TAFA2: variants seen among roughly 807,000 people sequenced by gnomAD.
TAFA2 encodes TAFA chemokine like family member 2.
TAFA2 carries 7 observed loss-of-function variants against 18.8 expected under a neutral mutation model. The ratio of observed to expected loss-of-function variants is 0.37; its 90% CI spans 0.21 to 0.70. The LOEUF (loss-of-function observed/expected upper bound fraction) is 0.70, where lower values mean the gene tolerates loss of function less well. TAFA2 is among the 30% of genes least tolerant of loss of function. The probability of loss-of-function intolerance (pLI) is 0.53; values close to 1 mark genes in which losing one functional copy is unlikely to be tolerated. For missense variants in TAFA2, 122 were observed against 158.1 expected, an observed-to-expected ratio of 0.77 and a Z score of 1.23; for synonymous variants, 60 against 54.2, an observed-to-expected ratio of 1.11 and a Z score of -0.47.
chr12:61,995,860 T>C (rs749699115), intron 1 of TAFA2, among the ~76,000 whole-genome samples: 19 of 120,568 alleles, frequency 1.6e-4, no homozygotes, highest in Non-Finnish European at 3.3e-4. Flanking sequence ...AAGCATTTAT[T>C]TATTCTGTAA....
chr12:61,985,838 T>A (rs1879793163), intron 1 of TAFA2, among the ~76,000 whole-genome samples: 2 of 152,190 alleles, frequency 1.3e-5, no homozygotes, highest in African/African-American at 2.4e-5. Flanking sequence ...ATATGTAAAA[T>A]GATTTTCTGA....
At chr12:62,177,649 A>T (rs1197727204) in intron 1 of TAFA2, among the ~76,000 whole-genome samples, 1 of 152,086 alleles carries the variant, frequency 6.6e-6, no homozygotes, top group Non-Finnish European at 1.5e-5. Flanking sequence ...GGTACCTCAA[A>T]CTCAAAATGC....
chr12:62,047,769 C>T (rs1478024858), intron 1 of TAFA2, among the ~76,000 whole-genome samples: 1 of 152,070 alleles, frequency 6.6e-6, no homozygotes, highest in Non-Finnish European at 1.5e-5. Context: ...ACCTTTTGTG[C>T]CTACCTCAGT....
At chr12:62,124,730 T>C (rs992457879) in intron 1 of TAFA2, among the ~76,000 whole-genome samples, 3 of 152,182 alleles carry the variant, frequency 2.0e-5, no homozygotes, top group Non-Finnish European at 4.4e-5. Flanking sequence ...TAAATACATC[T>C]TAAATCAATC....
At chr12:61,785,394 C>T (rs991060227) in intron 2 of TAFA2, among the ~76,000 whole-genome samples, 3 of 143,182 alleles carry the variant, frequency 2.1e-5, no homozygotes, top group African/African-American at 2.6e-5. Context: ...TTTATTCATT[C>T]ATCCATTGTT....
intron 1 of TAFA2, among the ~76,000 whole-genome samples, chr12:62,213,022 G>C (rs988121291): frequency 6.6e-5 from 10 of 152,154 alleles, no homozygotes; most frequent in African/African-American, 2.4e-4. Flanking sequence ...GTGCAATTAT[G>C]AAATTATATA....
At chr12:62,133,304 A>G (rs548785548) in intron 1 of TAFA2, among the ~76,000 whole-genome samples, 6 of 152,166 alleles carry the variant, frequency 3.9e-5, no homozygotes, top group African/African-American at 1.2e-4. Flanking sequence ...TTGTTTCAGT[A>G]ATAAATATGG....
chr12:62,136,341 C>A (rs923246576), intron 1 of TAFA2, among the ~76,000 whole-genome samples: 1 of 152,090 alleles, frequency 6.6e-6, no homozygotes, highest in Admixed American at 6.6e-5. Context: ...AATCTAGAAT[C>A]ATACAACATG....
At chr12:61,919,505 C>A (rs1046664215) in intron 1 of TAFA2, among the ~76,000 whole-genome samples, 2 of 152,052 alleles carry the variant, frequency 1.3e-5, no homozygotes, top group Non-Finnish European at 1.5e-5. Context: ...ATACACACAC[C>A]CAAGTTCATG....
intron 1 of TAFA2, among the ~76,000 whole-genome samples, chr12:61,900,173 T>C (rs1328240749): frequency 6.6e-6 from 1 of 152,248 alleles, no homozygotes; most frequent in Non-Finnish European, 1.5e-5. Context: ...AGTATTCCTA[T>C]ACATATCTCT....
chr12:61,769,686 G>A (rs551632195), intron 2 of TAFA2, among the ~76,000 whole-genome samples: 4 of 150,526 alleles, frequency 2.7e-5, no homozygotes, highest in African/African-American at 1.0e-4. Flanking sequence ...CCTAGGAGAA[G>A]GGGGAGAGCA....
chr12:62,011,896 C>T (rs1200915032), intron 1 of TAFA2, among the ~76,000 whole-genome samples: 2 of 152,252 alleles, frequency 1.3e-5, no homozygotes, highest in Admixed American at 1.3e-4. Flanking sequence ...AGAGCTAAAG[C>T]TGACTTCACA....
At chr12:61,763,566 C>A (rs528191264) in intron 2 of TAFA2, among the ~76,000 whole-genome samples, 1 of 151,792 alleles carries the variant, frequency 6.6e-6, no homozygotes, top group Non-Finnish European at 1.5e-5. Flanking sequence ...GCAACTTCTG[C>A]TTGTAAGGCC....
At chr12:61,876,255 G>A (rs927752285) in intron 1 of TAFA2, among the ~76,000 whole-genome samples, 4 of 152,080 alleles carry the variant, frequency 2.6e-5, no homozygotes, top group Admixed American at 1.3e-4. Context: ...GTTCTCTTGG[G>A]AAATGAGGCA....
chr12:61,902,427 C>T (rs1330324047), intron 1 of TAFA2, among the ~76,000 whole-genome samples: 1 of 152,186 alleles, frequency 6.6e-6, no homozygotes, highest in African/African-American at 2.4e-5. Flanking sequence ...CTGTCTGCCT[C>T]TTCCTGGCCT....
rs534187773 is a variant in TAFA2, at chr12:62,127,027, T to C, written c.-2+64232A>G. 8.2e-4 allele frequency among the ~76,000 whole-genome samples: 125 copies of C among 152,194 alleles called. 2 individuals are homozygous for C. The South Asian group carries it at 0.024, about 30-fold the overall frequency. On this transcript the variant is annotated intron_variant, in intron 1 of 4. Coordinates refer to ENST00000416284, the MANE Select transcript of TAFA2 (RefSeq NM_178539.5). ...TTATAGGACACATTTGAATTAAACA[T>C]CACATTTGGATGAACCCAAACACTT...
chr12:61,719,670 T>C (rs147970877), intron 4 of TAFA2, among the ~76,000 whole-genome samples: 5 of 152,276 alleles, frequency 3.3e-5, no homozygotes, highest in African/African-American at 1.2e-4. Context: ...ATTAAATTAT[T>C]TATTGCAATG....
chr12:62,022,034 G>T, intron 1 of TAFA2: 1 of 615,558 alleles, frequency 1.6e-6, no homozygotes, highest in Non-Finnish European at 3.2e-6. Context: ...CACCTTATCA[G>T]CATAAAGCTC....
At chr12:61,940,406 A>G (rs983183573) in intron 1 of TAFA2, among the ~76,000 whole-genome samples, 5 of 152,238 alleles carry the variant, frequency 3.3e-5, no homozygotes, top group African/African-American at 1.2e-4. Flanking sequence ...AGGAGTGGCC[A>G]TCAGGGCTTC....
Sources: gnomAD v4.1 joint callset for allele counts (sites outside exome capture counted in the v4.1 genomes callset) on GRCh38, gnomAD v4.1.1 for gene constraint, MANE v1.5 for transcripts, NCBI Gene and HGNC (gene_info 2026-07-23, HGNC 2026-07-21) for gene names.